Variants in IGSF10 observed in about 807,000 individuals in gnomAD.
IGSF10 encodes the protein calvaria mechanical force protein 608.
A neutral mutation model predicts 128.2 loss-of-function variants in IGSF10; 126 were observed. The observed-to-expected ratio is 0.98, with a 90% CI of 0.85 to 1.14. The LOEUF (loss-of-function observed/expected upper bound fraction) is 1.14. IGSF10 is among the 50% of genes most tolerant of loss of function. The probability of loss-of-function intolerance (pLI) is 0.00; values close to 1 mark genes in which losing one functional copy is unlikely to be tolerated. For synonymous variants in IGSF10, 1,185 were observed against 1,146.2 expected (o/e 1.03, Z -0.68); for missense variants, 3,295 against 3,149.8 (o/e 1.05, Z -1.10).
At chr3:151,555,793 A>T in the IGSF10 span, among the ~76,000 whole-genome samples, 4 of 152,224 alleles carry the variant, frequency 2.6e-5, no homozygotes, top group African/African-American at 4.8e-5. Flanking sequence ...ACAAAACAGG[A>T]TAGAGCACGC....
the IGSF10 span, among the ~76,000 whole-genome samples, chr3:151,482,906 TG>T: frequency 2.1e-5 from 1 of 47,522 alleles, no homozygotes; most frequent in Non-Finnish European, 4.2e-5. Context: ...AGTGTTTTTT[TG>T]TTTTTTTTTT....
At chr3:151,493,858 AAC>A in the IGSF10 span, among the ~76,000 whole-genome samples, 1 of 72,450 alleles carries the variant, frequency 1.4e-5, no homozygotes, top group Non-Finnish European at 3.8e-5. Context: ...TTAAAAAACA[AAC>A]AAACAAACAA....
the IGSF10 span, among the ~76,000 whole-genome samples, chr3:151,556,747 G>A: frequency 6.6e-6 from 1 of 152,134 alleles, no homozygotes; most frequent in Non-Finnish European, 1.5e-5. Context: ...TCAGATTAAA[G>A]ATGTAGAGAA....
At chr3:151,593,750 T>C in the IGSF10 span, among the ~76,000 whole-genome samples, 2 of 152,116 alleles carry the variant, frequency 1.3e-5, no homozygotes, top group Non-Finnish European at 1.5e-5. Context: ...GTTTTGGCCA[T>C]TAAATCTCAG....
the IGSF10 span, among the ~76,000 whole-genome samples, chr3:151,515,557 C>T: frequency 6.6e-6 from 1 of 151,390 alleles, no homozygotes; most frequent in African/African-American, 2.4e-5. Flanking sequence ...CAACATGGCA[C>T]ATGTATACAT....
At chr3:151,525,922 C>A in the IGSF10 span, among the ~76,000 whole-genome samples, 2 of 152,126 alleles carry the variant, frequency 1.3e-5, no homozygotes, top group Admixed American at 6.6e-5. Context: ...TGAAGTTCAT[C>A]ATAGTCAATT....
At position 151,437,102 on chromosome 3, in the gene IGSF10, C is replaced by T; in HGVS notation, c.7459G>A (p.Asp2487Asn). The T allele has an allele frequency of 1.9e-6, 3 of 1,614,176 alleles. No homozygotes were observed. The highest frequency in any genetic ancestry group is 2.5e-6 in the Non-Finnish European group (3 of 1,180,008). Residue 2487 changes from aspartate (D) to asparagine (N), a missense_variant, in exon 8 of 8, where the codon GAC becomes AAC. Physicochemically the swap from Asp to Asn is conservative, Grantham distance 23 (BLOSUM62 1). Coordinates refer to ENST00000282466, the MANE Select transcript of IGSF10 (RefSeq NM_178822.5). ...TCTTTAATGACTAAGGTGCCATTGTCATGCAATATGTATTTCCCATTAATT... is the reference window on the plus strand; with the variant it reads ...TCTTTAATGACTAAGGTGCCATTGTTATGCAATATGTATTTCCCATTAATT... Reference protein sequence around the residue: ...PQINGKYILHDNGTLVIKEAT... With the variant: ...PQINGKYILHNNGTLVIKEAT...
downstream of IGSF10, chr3:151,434,890 A>G (rs1392125877): frequency 1.3e-5 from 2 of 152,182 alleles, no homozygotes; most frequent in African/African-American, 4.8e-5. Context: ...GCTGTGGGGC[A>G]TATCTTTTTT....
the IGSF10 span, among the ~76,000 whole-genome samples, chr3:151,556,037 C>T: frequency 2.0e-5 from 3 of 152,148 alleles, no homozygotes; most frequent in African/African-American, 7.2e-5. Context: ...TGTATATGAG[C>T]AGTGGGATGA....
the IGSF10 span, among the ~76,000 whole-genome samples, chr3:151,506,314 C>A: frequency 6.6e-6 from 1 of 152,044 alleles, no homozygotes; most frequent in Admixed American, 6.6e-5. Context: ...GCTTTCTTGG[C>A]CCTATTCCTT....
At chr3:151,566,805 C>A in the IGSF10 span, among the ~76,000 whole-genome samples, 29 of 152,316 alleles carry the variant, frequency 1.9e-4, no homozygotes, top group Non-Finnish European at 3.7e-4. Flanking sequence ...CAATTTTTAG[C>A]AATTTCTTCA....
chr3:151,511,233 A>C, the IGSF10 span, among the ~76,000 whole-genome samples: 10 of 152,226 alleles, frequency 6.6e-5, no homozygotes, highest in South Asian at 4.1e-4. Flanking sequence ...GGTTACCCAC[A>C]AAGGGAAGCC....
chr3:151,469,189 C>T, the IGSF10 span, among the ~76,000 whole-genome samples: 1 of 152,172 alleles, frequency 6.6e-6, no homozygotes, highest in Non-Finnish European at 1.5e-5. Flanking sequence ...AATAGTGCTG[C>T]AATGAACATA....
the IGSF10 span, among the ~76,000 whole-genome samples, chr3:151,572,168 G>T: frequency 2.0e-5 from 3 of 152,150 alleles, no homozygotes; most frequent in Non-Finnish European, 4.4e-5. Context: ...CAGGGATATT[G>T]GTCTAAAATA....
chr3:151,454,040 C>T (rs1159864013), intron 4 of IGSF10, among the ~76,000 whole-genome samples: 1 of 137,144 alleles, frequency 7.3e-6, no homozygotes, highest in East Asian at 2.1e-4. Flanking sequence ...TTTTTTGAGA[C>T]AGCGTCTTGC....
chr3:151,461,424 G>A (rs1722057178), upstream of IGSF10: 1 of 984,542 alleles, frequency 1.0e-6, no homozygotes, highest in Non-Finnish European at 1.2e-6. Context: ...AATGACCTGT[G>A]ATACCTGCAG....
At chr3:151,514,047 C>A in the IGSF10 span, among the ~76,000 whole-genome samples, 2 of 152,078 alleles carry the variant, frequency 1.3e-5, no homozygotes, top group African/African-American at 2.4e-5. Context: ...CCATGCTGCC[C>A]AAGGTAATTT....
At chr3:151,478,167 AAAAC>A in the IGSF10 span, among the ~76,000 whole-genome samples, 9 of 152,174 alleles carry the variant, frequency 5.9e-5, no homozygotes, top group African/African-American at 1.9e-4. Context: ...GTGGCAAAAC[AAAAC>A]AAACAAACCC....
the IGSF10 span, among the ~76,000 whole-genome samples, chr3:151,496,556 G>GTGTATATGTGCCACT: frequency 2.9e-5 from 1 of 34,908 alleles, no homozygotes; most frequent in Admixed American, 3.0e-4. Flanking sequence ...GTATTCCATG[G>GTGTATATGTGCCACT]TTTCCTTAAT....
Sources: gnomAD v4.1 joint callset for allele counts (sites outside exome capture counted in the v4.1 genomes callset) on GRCh38, gnomAD v4.1.1 for gene constraint, MANE v1.5 for transcripts, NCBI Gene and HGNC (gene_info 2026-07-23, HGNC 2026-07-21) for gene names.